KYNU: variants seen among roughly 807,000 people sequenced by gnomAD.
The protein encoded by KYNU is L-kynurenine hydrolase.
KYNU carries 54 observed loss-of-function variants against 59.2 expected under a neutral mutation model. The observed-to-expected ratio is 0.91, with a 90% confidence interval of 0.73 to 1.14. KYNU has a LOEUF of 1.14. KYNU is among the 50% of genes most tolerant of loss of function. The pLI is 0.00. For synonymous variants in KYNU, 177 were observed against 192.0 expected, an observed-to-expected ratio of 0.92 and a Z score of 0.65; for missense variants, 567 against 554.4, an observed-to-expected ratio of 1.02 and a Z score of -0.23.
intron 5 of KYNU, among the ~76,000 whole-genome samples, chr2:142,955,933 A>G (rs1228354249): frequency 3.9e-5 from 6 of 152,098 alleles, no homozygotes; most frequent in Non-Finnish European, 8.8e-5. Context: ...CAATTAATAT[A>G]TAAGTAAAGT....
chr2:143,023,281 T>A (rs1013899789), intron 10 of KYNU, among the ~76,000 whole-genome samples: 2 of 151,906 alleles, frequency 1.3e-5, no homozygotes, highest in Admixed American at 1.3e-4. Context: ...AGTCTTTTCA[T>A]TTTCTGAGTT....
At chr2:143,032,520 A>G (rs940658488) in intron 11 of KYNU, among the ~76,000 whole-genome samples, 21 of 152,184 alleles carry the variant, frequency 1.4e-4, no homozygotes, top group Non-Finnish European at 2.8e-4. Flanking sequence ...TTTGATAACT[A>G]TAAAAAAGTC....
chr2:143,041,301 C>CT (rs991894255), intron 13 of KYNU, among the ~76,000 whole-genome samples: 30 of 152,024 alleles, frequency 2.0e-4, no homozygotes, highest in African/African-American at 6.7e-4. Flanking sequence ...TCATGTTTAC[C>CT]TGTAGGAGAG....
chr2:143,023,068 G>T (rs568937261), intron 10 of KYNU, among the ~76,000 whole-genome samples: 58 of 151,666 alleles, frequency 3.8e-4, no homozygotes, highest in African/African-American at 1.3e-3. Context: ...TGATTTATTT[G>T]TTTTCTTTCT....
rs1182692901 is a variant in KYNU, at chr2:143,044,629, T to A, written c.*2457T>A. 1.3e-5 allele frequency: 2 copies of A among 152,228 alleles called. No individual in the cohort carries two copies. Among genetic ancestry groups the A allele is most frequent in the Non-Finnish European group, 2.9e-5 (2 of 68,034 alleles). The allele number at this position is 152,228 out of a possible 1,614,324, so 9.4% of individuals were successfully genotyped here. Reference sequence around the variant, plus strand: ...TATATTTGTTGGCCGCATAAATGTCTTCTTTTGAGAAGTGTCTGTTCGTAT... The same window carrying A: ...TATATTTGTTGGCCGCATAAATGTCATCTTTTGAGAAGTGTCTGTTCGTAT... On this transcript the variant is annotated 3_prime_UTR_variant, in exon 14 of 14. Coordinates refer to ENST00000264170, the MANE Select transcript of KYNU (RefSeq NM_003937.3).
At chr2:142,904,022 G>A (rs1264834720) in intron 2 of KYNU, among the ~76,000 whole-genome samples, 2 of 152,088 alleles carry the variant, frequency 1.3e-5, no homozygotes, top group South Asian at 2.1e-4. Context: ...ATAAAAAACC[G>A]AGGTTGCCAA....
At chr2:142,913,999 T>A (rs530943758) in intron 2 of KYNU, among the ~76,000 whole-genome samples, 1 of 152,352 alleles carries the variant, frequency 6.6e-6, no homozygotes. Flanking sequence ...GGCCACTCCT[T>A]GGCACCATTA....
intron 12 of KYNU, among the ~76,000 whole-genome samples, chr2:143,035,350 T>A (rs1209560651): frequency 6.6e-6 from 1 of 152,252 alleles, no homozygotes; most frequent in Non-Finnish European, 1.5e-5. Flanking sequence ...CTCATTTCAC[T>A]GCTGAGACTA....
chr2:142,957,322 C>T (rs2105090313), intron 6 of KYNU, among the ~76,000 whole-genome samples: 1 of 152,018 alleles, frequency 6.6e-6, no homozygotes, highest in Non-Finnish European at 1.5e-5. Flanking sequence ...ATGACAAGTC[C>T]CTACTATTCA....
chr2:142,962,342 A>G (rs1206019526), intron 8 of KYNU, among the ~76,000 whole-genome samples: 2 of 152,220 alleles, frequency 1.3e-5, no homozygotes, highest in Non-Finnish European at 2.9e-5. Context: ...CTAATTTAAC[A>G]TAACAGCACC....
At chr2:142,950,122 C>T (rs907650239) in intron 4 of KYNU, among the ~76,000 whole-genome samples, 6 of 152,218 alleles carry the variant, frequency 3.9e-5, no homozygotes, top group African/African-American at 9.6e-5. Context: ...CTACCTCAGC[C>T]TGGATTTCAT....
At chr2:143,026,857 A>T (rs1439088913) in intron 10 of KYNU, among the ~76,000 whole-genome samples, 4 of 151,884 alleles carry the variant, frequency 2.6e-5, no homozygotes, top group Non-Finnish European at 4.4e-5. Context: ...TGACAGCCAG[A>T]CTCTTCTCGA....
rs935963905 is a variant in KYNU at position 143,048,297 on chromosome 2, A to G, written c.*6125A>G. On this transcript the variant is annotated 3_prime_UTR_variant, in exon 14 of 14. Transcript: ENST00000264170. ...TGTTATTTTAGCAATTACTCTGGCT[A>G]TTTTAACATGCAAATATAATGAAGT... 1 of 152,156 alleles carries G rather than the reference A, an allele frequency of 6.6e-6. No homozygotes were observed. Among genetic ancestry groups the G allele is most frequent in the Admixed American group, 6.6e-5 (1 of 15,266 alleles). 9.4% of individuals were successfully genotyped at this position (152,156 alleles called of 1,614,324 possible). A position where few individuals can be genotyped will look rare whatever the true frequency, so the allele number is the denominator to read the frequency against.
chr2:142,907,412 G>A (rs1027594721), intron 2 of KYNU, among the ~76,000 whole-genome samples: 6 of 152,212 alleles, frequency 3.9e-5, no homozygotes, highest in South Asian at 2.1e-4. Context: ...ACTTTAGCCC[G>A]ATCAGGAGTG....
intron 1 of KYNU, among the ~76,000 whole-genome samples, chr2:142,879,214 A>G (rs1040047477): frequency 9.8e-5 from 15 of 152,312 alleles, no homozygotes; most frequent in African/African-American, 3.4e-4. Context: ...GCATCCTTAG[A>G]GTGAGTGCAC....
At chr2:143,015,334 G>T (rs1686217153) in intron 10 of KYNU, among the ~76,000 whole-genome samples, 1 of 152,092 alleles carries the variant, frequency 6.6e-6, no homozygotes, top group Non-Finnish European at 1.5e-5. Context: ...GGAAAAAGAG[G>T]GTGTGGGGAA....
chr2:142,949,412 C>T (rs2105071043), intron 4 of KYNU, among the ~76,000 whole-genome samples: 1 of 152,374 alleles, frequency 6.6e-6, no homozygotes, highest in East Asian at 1.9e-4. Flanking sequence ...CCCACCTCTA[C>T]AGCAAACTTC....
intron 4 of KYNU, among the ~76,000 whole-genome samples, chr2:142,944,672 T>A: frequency 6.6e-6 from 1 of 151,930 alleles, no homozygotes; most frequent in East Asian, 1.9e-4. Context: ...TGGTTAACTT[T>A]TAAAAAAAAA....
chr2:142,912,703 CTTT>C (rs1163302368), intron 2 of KYNU, among the ~76,000 whole-genome samples: 2 of 71,866 alleles, frequency 2.8e-5, no homozygotes, highest in Non-Finnish European at 4.8e-5. Context: ...TTCTTTCTTC[CTTT>C]TTTTTTTTTT....
Sources: gnomAD v4.1 joint callset for allele counts (sites outside exome capture counted in the v4.1 genomes callset) on GRCh38, gnomAD v4.1.1 for gene constraint, MANE v1.5 for transcripts, NCBI Gene and HGNC (gene_info 2026-07-23, HGNC 2026-07-21) for gene names.